CXADR: variants seen among roughly 807,000 people sequenced by gnomAD.
The protein encoded by CXADR is coxsackievirus and adenovirus receptor.
CXADR carries 20 observed loss-of-function variants against 40.3 expected under a neutral mutation model. That is an observed-to-expected ratio of 0.50 (90% confidence interval 0.35 to 0.72). The LOEUF is 0.72. CXADR is among the 30% of genes least tolerant of loss of function. The pLI is 0.01. For missense variants in CXADR, 332 were observed against 449.1 expected, an observed-to-expected ratio of 0.74 and a Z score of 2.36; for synonymous variants, 150 against 161.3, an observed-to-expected ratio of 0.93 and a Z score of 0.53.
chr21:17,610,406 C>T, the CXADR span, among the ~76,000 whole-genome samples: 3 of 152,184 alleles, frequency 2.0e-5, no homozygotes, highest in Non-Finnish European at 4.4e-5. Flanking sequence ...AAGAGAGATA[C>T]ATTTATCCAC....
the CXADR span, among the ~76,000 whole-genome samples, chr21:17,614,484 C>A: frequency 6.6e-6 from 1 of 152,096 alleles, no homozygotes; most frequent in Non-Finnish European, 1.5e-5. Context: ...TAGCTCATGC[C>A]TGTAATCCAG....
At chr21:17,563,355 G>A (rs958565604) in intron 6 of CXADR, among the ~76,000 whole-genome samples, 1 of 151,648 alleles carries the variant, frequency 6.6e-6, no homozygotes, top group Non-Finnish European at 1.5e-5. Flanking sequence ...TCATTGTAGG[G>A]TTATTAAGTG....
intron 7 of CXADR, among the ~76,000 whole-genome samples, chr21:17,578,143 G>C (rs923641924): frequency 1.3e-5 from 2 of 152,240 alleles, no homozygotes; most frequent in East Asian, 3.9e-4. Context: ...CCAAAAGATT[G>C]ATAGGATTGC....
chr21:17,575,382 G>A (rs146805300), intron 7 of CXADR, among the ~76,000 whole-genome samples: 7 of 151,580 alleles, frequency 4.6e-5, no homozygotes, highest in Non-Finnish European at 4.4e-5. Flanking sequence ...AGGTCTTGCT[G>A]TGTTGCCCAG....
chr21:17,514,535 ATGAAGT>A lies in CXADR; in HGVS notation c.43+1367_43+1372del, dbSNP rs540253288. Reference sequence around the variant, plus strand: ...TTTTTTGTCTAGGCCGAACCTGAAGATGAAGTTGAGAACACAGTGTGTTCTCTGGGA... The same window carrying A: ...TTTTTTGTCTAGGCCGAACCTGAAGATGAGAACACAGTGTGTTCTCTGGGA... On this transcript the variant is annotated intron_variant, in intron 1 of 6. Coordinates refer to ENST00000284878, the MANE Select transcript of CXADR (RefSeq NM_001338.5). 1.5e-4 allele frequency among the ~76,000 whole-genome samples: 22 copies of A among 146,716 alleles called. 1 individual carries two copies. In the South Asian group the frequency reaches 2.9e-3, roughly 19 times the overall value.
At chr21:17,634,814 G>A in the CXADR span, among the ~76,000 whole-genome samples, 4 of 152,106 alleles carry the variant, frequency 2.6e-5, no homozygotes, top group Non-Finnish European at 5.9e-5. Flanking sequence ...ACTATTCACA[G>A]GTGCAGTCAT....
intron 1 of CXADR, among the ~76,000 whole-genome samples, chr21:17,531,253 T>G (rs2060671272): frequency 6.6e-6 from 1 of 151,570 alleles, no homozygotes; most frequent in Non-Finnish European, 1.5e-5. Context: ...GAGCTGAGTT[T>G]GTGCCATTGC....
chr21:17,515,931 C>T (rs1177789767), intron 1 of CXADR, among the ~76,000 whole-genome samples: 4 of 152,190 alleles, frequency 2.6e-5, no homozygotes, highest in African/African-American at 4.8e-5. Context: ...ATAGATATTC[C>T]TCCAGCTCTG....
chr21:17,542,211 T>G (rs776540063), intron 1 of CXADR, among the ~76,000 whole-genome samples: 16 of 152,252 alleles, frequency 1.1e-4, no homozygotes, highest in Non-Finnish European at 2.2e-4. Flanking sequence ...TCATGAGCAC[T>G]TTCTAATGTT....
chr21:17,615,716 G>T, the CXADR span, among the ~76,000 whole-genome samples: 7 of 152,100 alleles, frequency 4.6e-5, no homozygotes, highest in Non-Finnish European at 2.9e-5. Context: ...CTTCTATTGT[G>T]TGTTAATGGT....
chr21:17,570,154 C>T, downstream of CXADR: 1 of 985,352 alleles, frequency 1.0e-6, no homozygotes, highest in African/African-American at 1.7e-5. Context: ...TCCACTAAAG[C>T]TTTAATATTT....
exon 8 of CXADR, chr21:17,593,250 T>C: frequency 7.9e-7 from 1 of 1,259,438 alleles, no homozygotes; most frequent in Non-Finnish European, 1.0e-6. Flanking sequence ...TTTAGGCCTC[T>C]AGTAAAGACT....
At chr21:17,558,423 G>A (rs1052073192) in intron 3 of CXADR, among the ~76,000 whole-genome samples, 1 of 152,058 alleles carries the variant, frequency 6.6e-6, no homozygotes, top group African/African-American at 2.4e-5. Flanking sequence ...GCCCAGCCCA[G>A]GTTTTCTTTT....
intron 1 of CXADR, among the ~76,000 whole-genome samples, chr21:17,515,323 T>C (rs1351502933): frequency 6.6e-6 from 1 of 151,932 alleles, no homozygotes; most frequent in Non-Finnish European, 1.5e-5. Context: ...GTGATGCTTG[T>C]CATAGTCCCA....
intron 1 of CXADR, among the ~76,000 whole-genome samples, chr21:17,524,901 C>A (rs1472040216): frequency 6.6e-6 from 1 of 151,978 alleles, no homozygotes; most frequent in East Asian, 1.9e-4. Context: ...AGAGTGAAAC[C>A]CTGTGTCCAA....
At chr21:17,581,098 T>C (rs1333772370) in intron 7 of CXADR, among the ~76,000 whole-genome samples, 1 of 152,204 alleles carries the variant, frequency 6.6e-6, no homozygotes, top group East Asian at 1.9e-4. Flanking sequence ...ATTCTGTATT[T>C]CCCTTTGTAT....
At chr21:17,580,607 C>T (rs773966266) in intron 7 of CXADR, among the ~76,000 whole-genome samples, 9 of 152,074 alleles carry the variant, frequency 5.9e-5, no homozygotes, top group Non-Finnish European at 1.2e-4. Context: ...GAGGCCTTGT[C>T]TCAAAACCAA....
chr21:17,555,086 T>C (rs1455479251), intron 3 of CXADR, among the ~76,000 whole-genome samples: 1 of 152,078 alleles, frequency 6.6e-6, no homozygotes, highest in African/African-American at 2.4e-5. Flanking sequence ...AAGTGGGAAA[T>C]GATAACAAAG....
At chr21:17,612,027 T>G in the CXADR span, 1 of 151,942 alleles carries the variant, frequency 6.6e-6, no homozygotes, top group African/African-American at 2.4e-5. Flanking sequence ...GGGCTAAGAG[T>G]TGGACTTTCT....
Sources: gnomAD v4.1 joint callset for allele counts (sites outside exome capture counted in the v4.1 genomes callset) on GRCh38, gnomAD v4.1.1 for gene constraint, MANE v1.5 for transcripts, NCBI Gene and HGNC (gene_info 2026-07-23, HGNC 2026-07-21) for gene names.